Variants in BRD10 observed in about 807,000 individuals in gnomAD.
BRD10 encodes bromodomain containing 10, also known as uncharacterized bromodomain-containing protein 10.
the BRD10 span, chr9:5,907,111 TG>T: frequency 2.7e-5 from 17 of 625,868 alleles, no homozygotes; most frequent in African/African-American, 3.1e-4. Flanking sequence ...TCATTGCCAC[TG>T]AACTATATAC....
At chr9:6,007,176 G>A in the BRD10 span, 37 of 1,605,664 alleles carry the variant, frequency 2.3e-5, no homozygotes, top group Admixed American at 5.0e-4. Flanking sequence ...CAGTCCCACC[G>A]GGGACCGGGC....
the BRD10 span, chr9:5,988,234 A>C: frequency 1.4e-6 from 1 of 720,296 alleles, no homozygotes; most frequent in African/African-American, 1.8e-5. Context: ...TTATGAATTC[A>C]TACTTTTGTA....
At chr9:5,950,718 TC>T in the BRD10 span, among the ~76,000 whole-genome samples, 1 of 152,158 alleles carries the variant, frequency 6.6e-6, no homozygotes, top group Non-Finnish European at 1.5e-5. Context: ...TCCCTCGGTA[TC>T]CGTGGGGTAC....
At chr9:5,906,816 CCTTCT>C in the BRD10 span, 1 of 1,040,242 alleles carries the variant, frequency 9.6e-7, no homozygotes, top group Non-Finnish European at 1.4e-6. Context: ...ACTTTGGCTT[CCTTCT>C]CTTTTCTTTA....
the BRD10 span, chr9:5,908,545 GA>G: frequency 1.2e-5 from 13 of 1,088,152 alleles, no homozygotes; most frequent in South Asian, 1.8e-4. Flanking sequence ...AGTCCACAGG[GA>G]AAGTATAAAT....
the BRD10 span, among the ~76,000 whole-genome samples, chr9:5,881,861 T>C: frequency 6.6e-6 from 1 of 152,218 alleles, no homozygotes; most frequent in African/African-American, 2.4e-5. Context: ...GAGTGACGGT[T>C]TAGTTCACTG....
the BRD10 span, among the ~76,000 whole-genome samples, chr9:5,943,434 T>G: frequency 6.6e-6 from 1 of 151,960 alleles, no homozygotes. Context: ...GAACGAAATA[T>G]GGACACCTCC....
At chr9:5,957,377 T>C in the BRD10 span, among the ~76,000 whole-genome samples, 4 of 152,190 alleles carry the variant, frequency 2.6e-5, no homozygotes, top group Non-Finnish European at 4.4e-5. Flanking sequence ...TTACCATTTA[T>C]TGATTCCTAC....
chr9:6,007,440 C>T, the BRD10 span: 3 of 1,606,766 alleles, frequency 1.9e-6, no homozygotes, highest in Non-Finnish European at 2.6e-6. Flanking sequence ...GCGGCCCTTC[C>T]GCCACCTCCT....
chr9:5,973,952 G>T, the BRD10 span, among the ~76,000 whole-genome samples: 1 of 152,088 alleles, frequency 6.6e-6, no homozygotes, highest in East Asian at 1.9e-4. Context: ...AGAATAGAGA[G>T]GTAGGAAGGT....
chr9:5,969,242 C>T, the BRD10 span: 7 of 1,613,750 alleles, frequency 4.3e-6, no homozygotes, highest in African/African-American at 1.3e-5. Context: ...CAGAAGACAA[C>T]GTTCCAATTC....
At chr9:6,000,272 T>A in the BRD10 span, among the ~76,000 whole-genome samples, 2 of 152,132 alleles carry the variant, frequency 1.3e-5, no homozygotes, top group African/African-American at 2.4e-5. Context: ...TGGTGACAGA[T>A]ACTACCACTG....
chr9:5,969,332 G>A, the BRD10 span: 1 of 1,613,326 alleles, frequency 6.2e-7, no homozygotes, highest in South Asian at 1.1e-5. Flanking sequence ...TTCCCACATG[G>A]TCTCCATACA....
chr9:5,959,209 G>C, the BRD10 span, among the ~76,000 whole-genome samples: 1 of 151,924 alleles, frequency 6.6e-6, no homozygotes, highest in South Asian at 2.1e-4. Context: ...TCCTTACCTG[G>C]ATTTAGAATT....
chr9:5,923,671 C>T, the BRD10 span, among the ~76,000 whole-genome samples: 1 of 152,158 alleles, frequency 6.6e-6, no homozygotes. Context: ...GAATCTAGTT[C>T]TCTTTTTCTA....
At chr9:5,985,352 T>G in the BRD10 span, among the ~76,000 whole-genome samples, 1 of 151,902 alleles carries the variant, frequency 6.6e-6, no homozygotes, top group Admixed American at 6.6e-5. Context: ...CTTAGGTAGG[T>G]CCACAAAAAC....
At chr9:5,934,562 CA>C in the BRD10 span, among the ~76,000 whole-genome samples, 3 of 151,930 alleles carry the variant, frequency 2.0e-5, no homozygotes, top group African/African-American at 4.8e-5. Context: ...GATGAGGCTT[CA>C]CCATATTGAC....
chr9:5,936,378 A>G, the BRD10 span, among the ~76,000 whole-genome samples: 4 of 152,204 alleles, frequency 2.6e-5, no homozygotes, highest in African/African-American at 9.7e-5. Context: ...TGAATAATTT[A>G]TCAGTGTTTC....
the BRD10 span, among the ~76,000 whole-genome samples, chr9:5,888,267 G>GT: frequency 6.6e-6 from 1 of 152,186 alleles, no homozygotes; most frequent in African/African-American, 2.4e-5. Flanking sequence ...AGATCATGAT[G>GT]TTAAGTAGAA....
Sources: gnomAD v4.1 joint callset for allele counts (sites outside exome capture counted in the v4.1 genomes callset) on GRCh38, gnomAD v4.1.1 for gene constraint, MANE v1.5 for transcripts, NCBI Gene and HGNC (gene_info 2026-07-23, HGNC 2026-07-21) for gene names.